Variants in FAM149A observed in about 807,000 individuals in gnomAD.
FAM149A encodes family with sequence similarity 149 member A, also known as protein FAM149A.
A neutral mutation model predicts 78.2 loss-of-function variants in FAM149A; 71 were observed. The ratio of observed to expected loss-of-function variants is 0.91; its 90% CI spans 0.75 to 1.11. The LOEUF (loss-of-function observed/expected upper bound fraction) is 1.11. Ranked by LOEUF, FAM149A falls within the 50% of genes least tolerant of loss-of-function variation. The pLI, the probability that FAM149A is intolerant of heterozygous loss-of-function variation, is 0.00. For missense variants in FAM149A, 1,036 were observed against 971.0 expected (o/e 1.07, Z -0.89); for synonymous variants, 446 against 410.5 (o/e 1.09, Z -1.04).
intron 1 of FAM149A, among the ~76,000 whole-genome samples, chr4:186,129,685 A>C (rs1296475560): frequency 6.6e-6 from 1 of 152,128 alleles, no homozygotes; most frequent in Non-Finnish European, 1.5e-5. Context: ...GGACTGAGAG[A>C]GCCCCCAGCA....
chr4:186,168,442 ACCTC>A (rs1397632492), intron 13 of FAM149A, among the ~76,000 whole-genome samples: 3 of 152,018 alleles, frequency 2.0e-5, no homozygotes, highest in African/African-American at 7.3e-5. Context: ...CGCAACCTCC[ACCTC>A]CCAGGTTCAA....
intron 7 of FAM149A, 52 bp from the exon 8 acceptor site, chr4:186,157,513 T>C: frequency 1.9e-6 from 3 of 1,554,892 alleles, no homozygotes; most frequent in Non-Finnish European, 2.7e-6. Flanking sequence ...TTTAAGTATT[T>C]GTATTAGATA....
At chr4:186,149,841 A>G (rs1341441403) in intron 3 of FAM149A, 137 bp downstream of exon 3, 2 of 470,368 alleles carry the variant, frequency 4.3e-6, no homozygotes, top group East Asian at 1.9e-4. Flanking sequence ...ATGTAAAAGC[A>G]TGTACATGTT....
chr4:186,126,874 G>A (rs2126326524), intron 1 of FAM149A: 1 of 985,098 alleles, frequency 1.0e-6, no homozygotes, highest in South Asian at 4.7e-5. Flanking sequence ...CCCAATACAG[G>A]GGGAGGAAGA....
At position 186,160,741 on chromosome 4, in the gene FAM149A, ACAC is replaced by A. The variant is rs1004708788; in HGVS notation, c.1576-2100_1576-2098del. Reference sequence around the variant, plus strand: ...ACACACACCTCACCACACCCCACACACACCACACCACACCACACACACACCACA... The same window carrying A: ...ACACACACCTCACCACACCCCACACACACACCACACCACACACACACCACA... On this transcript the variant is annotated intron_variant, in intron 8 of 13. Coordinates refer to ENST00000389354, the MANE Select transcript of FAM149A (RefSeq NM_001367768.3). 16 of 939,482 alleles carry A rather than the reference ACAC, an allele frequency of 1.7e-5. No individual in the cohort carries two copies. The Admixed American group carries it at 2.0e-4, about 12-fold the overall frequency. The allele number at this position is 939,482 out of a possible 1,614,324, so 58.2% of individuals were successfully genotyped here. A position where few individuals can be genotyped will look rare whatever the true frequency, so the allele number is the denominator to read the frequency against.
At chr4:186,169,342 G>A (rs897301387) in intron 13 of FAM149A, 11 of 985,284 alleles carry the variant, frequency 1.1e-5, no homozygotes, top group African/African-American at 7.0e-5. Context: ...TAGAGAGAAC[G>A]CGGCTCAAAG....
rs1016843895 is a variant in FAM149A at position 186,165,285 on chromosome 4, C to T, written c.1890-59C>T. On this transcript the variant is annotated intron_variant, in intron 10 of 13. Transcript: ENST00000389354. ...GAAATCACAGCTCTTGGCAGATTTC[C>T]TGTCACTTGCCAGTTATCCATGTAC... is the stretch of plus-strand genomic sequence containing the variant. 70 of 1,604,052 alleles carry T rather than the reference C, an allele frequency of 4.4e-5. 1 individual carries two copies. The highest frequency in any genetic ancestry group is 5.6e-5 in the Non-Finnish European group (66 of 1,171,568).
intron 1 of FAM149A, chr4:186,122,694 A>G (rs2099316613): frequency 1.0e-5 from 2 of 198,806 alleles, no homozygotes; most frequent in South Asian, 1.7e-4. Context: ...TGGAAAAACT[A>G]TTGTATATAA....
intron 4 of FAM149A, chr4:186,153,234 G>A (rs1733752952): frequency 2.0e-6 from 2 of 976,454 alleles, no homozygotes; most frequent in Non-Finnish European, 1.2e-6. Flanking sequence ...TAAGCCAAGT[G>A]TGCATATTTA....
chr4:186,155,975 A>G (rs1259307236), intron 6 of FAM149A, 25 bp from the exon 7 acceptor site: 26 of 1,596,288 alleles, frequency 1.6e-5, no homozygotes, highest in Non-Finnish European at 2.1e-5. Flanking sequence ...ATCTTTTAGT[A>G]ATTGGAGTGG....
chr4:186,147,607 A>G (rs1026635181), intron 1 of FAM149A, among the ~76,000 whole-genome samples: 2 of 152,222 alleles, frequency 1.3e-5, no homozygotes, highest in Non-Finnish European at 2.9e-5. Context: ...CTAATTCATC[A>G]TGCTGAGTTT....
intron 1 of FAM149A, chr4:186,110,251 T>C (rs2099310637): frequency 4.1e-6 from 4 of 985,410 alleles, no homozygotes; most frequent in Non-Finnish European, 4.8e-6. Context: ...AATGTCTTTC[T>C]TGAAGAATAA....
At chr4:186,165,601 G>A (rs953601226) in intron 11 of FAM149A, 137 bp downstream of exon 11, 8 of 811,572 alleles carry the variant, frequency 9.9e-6, no homozygotes, top group Non-Finnish European at 1.1e-5. Flanking sequence ...TTCATAATCT[G>A]TTTCCAGAAA....
At chr4:186,146,580 A>G in intron 1 of FAM149A, 1 of 909,156 alleles carries the variant, frequency 1.1e-6, no homozygotes, top group Non-Finnish European at 1.3e-6. Context: ...ATTCATTGAA[A>G]CAAACTCGCA....
intron 1 of FAM149A, among the ~76,000 whole-genome samples, chr4:186,136,976 T>TTCTCTTTCTCTC (rs2099323318): frequency 1.2e-4 from 9 of 72,094 alleles, no homozygotes; most frequent in Non-Finnish European, 2.3e-4. Flanking sequence ...CTCTCTCTCT[T>TTCTCTTTCTCTC]TCTCTCTCTC....
chr4:186,145,390 C>T (rs912717071), intron 1 of FAM149A, among the ~76,000 whole-genome samples: 7 of 152,156 alleles, frequency 4.6e-5, no homozygotes, highest in African/African-American at 1.7e-4. Flanking sequence ...CCTGGAGTGC[C>T]CCTGTGTGTC....
chr4:186,158,239 C>T, intron 8 of FAM149A: 1 of 1,254,712 alleles, frequency 8.0e-7, no homozygotes, highest in Non-Finnish European at 1.0e-6. Flanking sequence ...CCCAGGCAGC[C>T]TTCCGGGAGC....
intron 1 of FAM149A, among the ~76,000 whole-genome samples, chr4:186,106,733 G>T (rs1173181723): frequency 1.3e-5 from 2 of 152,172 alleles, no homozygotes; most frequent in Non-Finnish European, 2.9e-5. Flanking sequence ...GGATCATGAG[G>T]TCAGGAGATC....
At chr4:186,152,245 C>T (rs559612044) in intron 4 of FAM149A, among the ~76,000 whole-genome samples, 200 bp downstream of exon 4, 1 of 152,314 alleles carries the variant, frequency 6.6e-6, no homozygotes, top group East Asian at 1.9e-4. Flanking sequence ...ACTCAAGCGC[C>T]TTTTAATTTG....
Sources: gnomAD v4.1 joint callset for allele counts (sites outside exome capture counted in the v4.1 genomes callset) on GRCh38, gnomAD v4.1.1 for gene constraint, MANE v1.5 for transcripts, NCBI Gene and HGNC (gene_info 2026-07-23, HGNC 2026-07-21) for gene names.